The following RYR3 variants were observed in gnomAD, a reference collection of about 807,000 sequenced individuals.
The protein encoded by RYR3 is ryanodine receptor 3, also known as brain ryanodine receptor-calcium release channel.
A neutral mutation model predicts 584.3 loss-of-function variants in RYR3; 207 were observed. The ratio of observed to expected loss-of-function variants is 0.35; its 90% CI spans 0.32 to 0.40. The LOEUF (loss-of-function observed/expected upper bound fraction) is 0.40. Among genes scored for constraint, RYR3 ranks in the 10% least tolerant of loss-of-function variants. The pLI is 1.00. For missense variants in RYR3, 5,616 were observed against 6,089.2 expected (o/e 0.92, Z 2.59); for synonymous variants, 2,416 against 2,248.5 (o/e 1.07, Z -2.11).
intron 19 of RYR3, among the ~76,000 whole-genome samples, chr15:33,618,257 C>T (rs1272892233): frequency 6.6e-6 from 1 of 152,134 alleles, no homozygotes; most frequent in African/African-American, 2.4e-5. Context: ...TCTTATGTAA[C>T]TCTTTTGCCA....
At chr15:33,540,549 C>A (rs758945211) in intron 6 of RYR3, among the ~76,000 whole-genome samples, 3 of 152,158 alleles carry the variant, frequency 2.0e-5, no homozygotes, top group Non-Finnish European at 4.4e-5. Flanking sequence ...TCAGCTCCAG[C>A]TGAGGGGATG....
intron 1 of RYR3, among the ~76,000 whole-genome samples, chr15:33,456,183 T>C (rs1262427079): frequency 6.6e-6 from 1 of 152,214 alleles, no homozygotes; most frequent in Non-Finnish European, 1.5e-5. Context: ...CGCTGGATAA[T>C]GGATGGTTAC....
chr15:33,636,057 C>T (rs978253210), intron 26 of RYR3, among the ~76,000 whole-genome samples: 35 of 152,278 alleles, frequency 2.3e-4, no homozygotes, highest in African/African-American at 8.2e-4. Flanking sequence ...ACTTTTGCAC[C>T]CAAGCCCATT....
chr15:33,597,072 A>G (rs115082335), intron 16 of RYR3, among the ~76,000 whole-genome samples: 222 of 152,364 alleles, frequency 1.5e-3, no homozygotes, highest in African/African-American at 5.0e-3. Context: ...TAAATTCAAG[A>G]TACAACTATT....
intron 52 of RYR3, 126 bp from the exon 53 acceptor site, chr15:33,745,942 G>A: frequency 1.5e-6 from 1 of 689,036 alleles, no homozygotes; most frequent in Admixed American, 2.3e-5. Context: ...CATTTTTGAG[G>A]AGAATTTCTA....
intron 1 of RYR3, among the ~76,000 whole-genome samples, chr15:33,449,464 C>T (rs2141958742): frequency 6.6e-6 from 1 of 152,284 alleles, no homozygotes. Context: ...ACTCACCGGG[C>T]AGGGATTGCA....
In RYR3 at chr15:33,816,930, T is replaced by A; in HGVS notation, c.10571T>A (p.Phe3524Tyr). 6.2e-7 allele frequency: 1 copy of A among 1,610,638 alleles called. No individual in the cohort carries two copies. Among genetic ancestry groups the A allele is most frequent in the Non-Finnish European group, 8.5e-7 (1 of 1,177,930 alleles). ...TGGATAGAAACAGAGGAGTATTCCT[T>A]TGAAGAGAAACTAGTACAGGATTTG... ...RFWIETEEYS[F>Y]EEKLVQDLAK... The change falls in exon 75 of 104, where the codon TTT (phenylalanine) becomes TAT (tyrosine). Residue 3524 changes from phenylalanine to tyrosine, a missense_variant. Coordinates refer to ENST00000634891, the MANE Select transcript of RYR3 (RefSeq NM_001036.6).
rs55717976 is a variant in RYR3, at chr15:33,656,436, G to A, written c.4309-3284G>A. ...ACCTGGCATCTAGTGAATGCTCACC[G>A]AGTATGTGTTGCCAGACTGACCCAC... On this transcript the variant is annotated intron_variant, in intron 32 of 103. Transcript: ENST00000634891. Among the ~76,000 whole-genome samples, 785 of 152,302 alleles carry A rather than the reference G, an allele frequency of 5.2e-3. 8 individuals are homozygous for A. The highest frequency in any genetic ancestry group is 0.013 in the African/African-American group (539 of 41,560).
intron 100 of RYR3, 65 bp from the exon 101 acceptor site, chr15:33,860,530 C>G: frequency 1.1e-6 from 1 of 944,260 alleles, no homozygotes; most frequent in Non-Finnish European, 1.5e-6. Flanking sequence ...TAGCTTCTTC[C>G]TTTATCATTC....
At chr15:33,552,916 G>A (rs1415564075) in intron 10 of RYR3, among the ~76,000 whole-genome samples, 2 of 152,122 alleles carry the variant, frequency 1.3e-5, no homozygotes, top group Non-Finnish European at 2.9e-5. Flanking sequence ...CCCTCCCTGG[G>A]CGCTAGTGAC....
chr15:33,445,250 A>G (rs2046537252), intron 1 of RYR3, among the ~76,000 whole-genome samples: 2 of 152,038 alleles, frequency 1.3e-5, no homozygotes, highest in African/African-American at 4.8e-5. Context: ...GGCACATGGG[A>G]TATGTCTTGG....
intron 1 of RYR3, among the ~76,000 whole-genome samples, chr15:33,331,758 A>G (rs1465431231): frequency 6.6e-6 from 1 of 152,102 alleles, no homozygotes; most frequent in Non-Finnish European, 1.5e-5. Context: ...AGAAAGAAGA[A>G]ATGGTAAGAA....
At chr15:33,555,615 G>C (rs909400417) in intron 10 of RYR3, among the ~76,000 whole-genome samples, 15 of 152,074 alleles carry the variant, frequency 9.9e-5, no homozygotes, top group African/African-American at 3.6e-4. Flanking sequence ...GTAAAAAATA[G>C]AGATTTAAAA....
intron 43 of RYR3, among the ~76,000 whole-genome samples, chr15:33,714,690 T>G (rs2067370629): frequency 6.6e-6 from 1 of 152,212 alleles, no homozygotes; most frequent in Non-Finnish European, 1.5e-5. Context: ...AAACTTAGTT[T>G]AAGGAACATA....
At position 33,865,502 on chromosome 15, in the gene RYR3, G is replaced by A. The variant is rs977013912; in HGVS notation, c.*276G>A. 1.3e-5 allele frequency: 5 copies of A among 384,402 alleles called. No homozygotes were observed. Among genetic ancestry groups the A allele is most frequent in the African/African-American group, 8.1e-5 (4 of 49,366 alleles). The allele number at this position is 384,402 out of a possible 1,614,324, so 23.8% of individuals were successfully genotyped here. A position where few individuals can be genotyped will look rare whatever the true frequency, so the allele number is the denominator to read the frequency against. ...TGCCTTCAAGTTTTCCAGTTCTGAG[G>A]TAACTAGTTCAGTTTGTTGGGATGG... On this transcript the variant is annotated 3_prime_UTR_variant, in exon 104 of 104. Transcript: ENST00000634891.
At chr15:33,378,527 C>G (rs1446644711) in intron 1 of RYR3, among the ~76,000 whole-genome samples, 3 of 152,084 alleles carry the variant, frequency 2.0e-5, no homozygotes, top group African/African-American at 7.2e-5. Flanking sequence ...GCAATGACGG[C>G]CAACGAAACC....
Position 33,590,978 on chromosome 15 carries a change from T to A in RYR3, c.1788+4862T>A, listed in dbSNP as rs151281266. Among the ~76,000 whole-genome samples, 632 of 152,300 alleles carry A rather than the reference T, an allele frequency of 4.1e-3. 6 individuals are homozygous for A. Among genetic ancestry groups the A allele is most frequent in the Middle Eastern group, 0.01 (3 of 294 alleles). On this transcript the variant is annotated intron_variant, in intron 16 of 103. Transcript: ENST00000634891. ...CACTCATCAAAAGCATGATCAGATT[T>A]GAGGTCAAAAAGTTATAGGGGAAGA...
chr15:33,367,534 C>T (rs1344210548), intron 1 of RYR3, among the ~76,000 whole-genome samples: 2 of 152,108 alleles, frequency 1.3e-5, no homozygotes, highest in African/African-American at 4.8e-5. Flanking sequence ...ATAAGAGTGC[C>T]CTGTGGTGAG....
rs1364452442 is a variant in RYR3 at position 33,629,650 on chromosome 15, G to A, written c.2680-290G>A. On this transcript the variant is annotated intron_variant, in intron 21 of 103. Transcript: ENST00000634891. ...ACGTTATGGTTACATGAATTTTGGAGGAACAAGAGCATGGCTGCCACATGT... is the reference window on the plus strand; with the variant it reads ...ACGTTATGGTTACATGAATTTTGGAAGAACAAGAGCATGGCTGCCACATGT... Among the ~76,000 whole-genome samples the A allele has an allele frequency of 4.6e-5, 7 of 152,178 alleles. No homozygotes were observed. In the East Asian group the frequency reaches 9.6e-4, roughly 21 times the overall value.
Sources: allele counts gnomAD v4.1 joint callset (sites outside exome capture counted in the v4.1 genomes callset), GRCh38; gene constraint gnomAD v4.1.1; transcripts MANE v1.5; gene names NCBI Gene and HGNC (gene_info 2026-07-23, HGNC 2026-07-21).